The following CSMD1 variants were observed in gnomAD, a reference collection of about 807,000 sequenced individuals.
The protein encoded by CSMD1 is CUB and Sushi multiple domains 1, also known as CUB and sushi domain-containing protein 1.
CSMD1 carries 213 observed loss-of-function variants against 417.5 expected under a neutral mutation model. The ratio of observed to expected loss-of-function variants is 0.51; its 90% CI spans 0.46 to 0.57. The LOEUF is 0.57. CSMD1 is among the 20% of genes least tolerant of loss of function. The pLI, the probability that CSMD1 is intolerant of heterozygous loss-of-function variation, is 0.00. For missense variants in CSMD1, 6,923 were observed against 4,529.7 expected (o/e 1.53, Z -15.17); for synonymous variants, 2,862 against 1,736.8 (o/e 1.65, Z -16.11).
At chr8:4,815,124 C>T (rs1431244233) in intron 1 of CSMD1, among the ~76,000 whole-genome samples, 1 of 152,106 alleles carries the variant, frequency 6.6e-6, no homozygotes, top group Non-Finnish European at 1.5e-5. Context: ...CAATCAATGA[C>T]ATCTAGGTCA....
At chr8:4,301,298 T>G (rs1187586740) in intron 3 of CSMD1, among the ~76,000 whole-genome samples, 1 of 152,166 alleles carries the variant, frequency 6.6e-6, no homozygotes, top group African/African-American at 2.4e-5. Context: ...GCCTTGAGCA[T>G]CCCAAAATAC....
chr8:3,880,076 A>G (rs1172458612), intron 5 of CSMD1, among the ~76,000 whole-genome samples: 1 of 151,998 alleles, frequency 6.6e-6, no homozygotes, highest in Non-Finnish European at 1.5e-5. Flanking sequence ...TTGACTGAGA[A>G]CTCCTAACCT....
intron 6 of CSMD1, among the ~76,000 whole-genome samples, chr8:3,712,898 C>T (rs529380677): frequency 6.6e-6 from 1 of 152,226 alleles, no homozygotes; most frequent in Admixed American, 6.5e-5. Context: ...TTCAGTTTGA[C>T]AGAAGGAATA....
chr8:3,670,575 TGGG>T (rs1798946336), intron 7 of CSMD1, among the ~76,000 whole-genome samples: 2 of 141,652 alleles, frequency 1.4e-5, no homozygotes, highest in African/African-American at 5.7e-5. Context: ...TATATATATA[TGGG>T]ATATATATGG....
chr8:2,938,521 A>T lies in CSMD1; in HGVS notation c.*64T>A, dbSNP rs1258192525. 3 of 1,501,956 alleles carry T rather than the reference A, an allele frequency of 2.0e-6. No individual in the cohort carries two copies. Among genetic ancestry groups the T allele is most frequent in the Non-Finnish European group, 2.7e-6 (3 of 1,105,178 alleles). The allele number at this position is 1,501,956 out of a possible 1,614,324, so 93.0% of individuals were successfully genotyped here. On this transcript the variant is annotated 3_prime_UTR_variant, in exon 70 of 70. Transcript: ENST00000635120. ...GGAAGGGAGAGTGGTATATGGCACC[A>T]AAGGAATCACTGCTTGTCCATCAGA... is the stretch of plus-strand genomic sequence containing the variant.
chr8:4,843,005 G>T (rs898584838), intron 1 of CSMD1, among the ~76,000 whole-genome samples: 3 of 152,156 alleles, frequency 2.0e-5, no homozygotes, highest in African/African-American at 4.8e-5. Context: ...CATCTAACAT[G>T]CTACTCCAGG....
chr8:4,957,006 C>G (rs1809160151), intron 1 of CSMD1, among the ~76,000 whole-genome samples: 1 of 152,122 alleles, frequency 6.6e-6, no homozygotes, highest in Non-Finnish European at 1.5e-5. Context: ...GAAGCAGAAT[C>G]CTAAGTCTAG....
intron 4 of CSMD1, among the ~76,000 whole-genome samples, chr8:4,031,520 A>C (rs1797345035): frequency 6.6e-6 from 1 of 152,174 alleles, no homozygotes; most frequent in African/African-American, 2.4e-5. Flanking sequence ...TCCTCCCACA[A>C]CATGTGGGAA....
intron 3 of CSMD1, among the ~76,000 whole-genome samples, chr8:4,282,369 C>G (rs552832526): frequency 1.1e-4 from 17 of 152,302 alleles, no homozygotes; most frequent in South Asian, 2.1e-4. Context: ...CAAGAGGGCT[C>G]TCTTCTTCAT....
At position 3,753,502 on chromosome 8, in the gene CSMD1, A is replaced by G. The variant is rs553475189; in HGVS notation, c.931+428T>C. On this transcript the variant is annotated intron_variant, in intron 6 of 69. Transcript: ENST00000635120. ...TTGTGTGTAAATTACTGAATCATGC[A>G]TTTATGTGGTGTGAAGACCTTTTAG... Among the ~76,000 whole-genome samples, 5 of 152,328 alleles carry G rather than the reference A, an allele frequency of 3.3e-5. No individual in the cohort carries two copies. The East Asian group carries it at 5.8e-4, about 18-fold the overall frequency.
chr8:4,569,515 G>T (rs550703209), intron 2 of CSMD1, among the ~76,000 whole-genome samples: 5 of 152,070 alleles, frequency 3.3e-5, no homozygotes, highest in African/African-American at 1.2e-4. Context: ...ATCTGTTTTG[G>T]TACCAGTACC....
intron 3 of CSMD1, among the ~76,000 whole-genome samples, chr8:4,101,498 C>A (rs1390798740): frequency 6.6e-6 from 1 of 152,104 alleles, no homozygotes; most frequent in East Asian, 1.9e-4. Context: ...TCCTCAGTCA[C>A]CCTGCAGTCA....
chr8:3,527,705 C>G (rs1797811853), intron 10 of CSMD1, among the ~76,000 whole-genome samples: 1 of 152,126 alleles, frequency 6.6e-6, no homozygotes, highest in South Asian at 2.1e-4. Flanking sequence ...AGCAATGTGA[C>G]CCTTACCACT....
At chr8:4,057,032 G>A (rs562591881) in intron 3 of CSMD1, among the ~76,000 whole-genome samples, 10 of 152,154 alleles carry the variant, frequency 6.6e-5, no homozygotes, top group African/African-American at 1.9e-4. Context: ...ATGATTTATA[G>A]TCCTTTGGGT....
chr8:4,617,808 T>C lies in CSMD1; in HGVS notation c.302+19534A>G, dbSNP rs570048246. 2.6e-5 allele frequency among the ~76,000 whole-genome samples: 4 copies of C among 152,268 alleles called. No individual in the cohort carries two copies. In the South Asian group the frequency reaches 8.3e-4, roughly 32 times the overall value. Reference sequence around the variant, plus strand: ...TTGCTTGCTCATATGTTAAATTTTTTATCTCCCTCCTCCATGAGTATATTC... The same window carrying C: ...TTGCTTGCTCATATGTTAAATTTTTCATCTCCCTCCTCCATGAGTATATTC... On this transcript the variant is annotated intron_variant, in intron 2 of 69. Coordinates refer to ENST00000635120, the MANE Select transcript of CSMD1 (RefSeq NM_033225.6).
chr8:4,193,787 C>T (rs1048771912), intron 3 of CSMD1, among the ~76,000 whole-genome samples: 1 of 151,926 alleles, frequency 6.6e-6, no homozygotes, highest in Non-Finnish European at 1.5e-5. Context: ...ACAGGGATGA[C>T]ATCGAAGGAT....
intron 1 of CSMD1, among the ~76,000 whole-genome samples, chr8:4,982,658 A>G (rs563028664): frequency 3.9e-4 from 59 of 152,362 alleles, no homozygotes; most frequent in East Asian, 3.7e-3. Flanking sequence ...AACACTTTAC[A>G]GTATTTTTAT....
chr8:3,176,629 T>C (rs77785143), intron 37 of CSMD1, among the ~76,000 whole-genome samples: 11,823 of 152,168 alleles, frequency 0.078, 1,538 homozygotes, highest in African/African-American at 0.27. Context: ...ACTTGGGATG[T>C]AGAGATCTGC....
intron 1 of CSMD1, among the ~76,000 whole-genome samples, chr8:4,751,913 C>T (rs576203238): frequency 3.3e-5 from 5 of 152,230 alleles, no homozygotes; most frequent in Admixed American, 2.0e-4. Context: ...AGTGTTAGTT[C>T]CAGAGTCAGG....
Sources: allele counts gnomAD v4.1 joint callset (sites outside exome capture counted in the v4.1 genomes callset), GRCh38; gene constraint gnomAD v4.1.1; transcripts MANE v1.5; gene names NCBI Gene and HGNC (gene_info 2026-07-23, HGNC 2026-07-21).